Variants in EPHA5 observed in about 807,000 individuals in gnomAD.
EPHA5 encodes ephrin type-A receptor 5.
In EPHA5, 60 loss-of-function variants were observed where a neutral mutation model predicts 105.0. The observed-to-expected ratio is 0.57, with a 90% CI of 0.46 to 0.71. The LOEUF (loss-of-function observed/expected upper bound fraction) is 0.71, where lower values mean the gene tolerates loss of function less well. EPHA5 is among the 30% of genes least tolerant of loss of function. The pLI is 0.00. For synonymous variants in EPHA5, 513 were observed against 449.1 expected, an observed-to-expected ratio of 1.14 and a Z score of -1.80; for missense variants, 1,218 against 1,274.7, an observed-to-expected ratio of 0.96 and a Z score of 0.68.
chr4:65,439,814 G>A (rs895910055), intron 5 of EPHA5, among the ~76,000 whole-genome samples: 17 of 152,024 alleles, frequency 1.1e-4, no homozygotes, highest in African/African-American at 3.1e-4. Flanking sequence ...TTACCGAAAG[G>A]AAAGCCGAAT....
At chr4:65,403,318 C>G (rs1722032266) in intron 8 of EPHA5, among the ~76,000 whole-genome samples, 1 of 152,012 alleles carries the variant, frequency 6.6e-6, no homozygotes, top group African/African-American at 2.4e-5. Flanking sequence ...GAAGAGTCAA[C>G]AGTAAATGAG....
chr4:65,582,266 A>G (rs1741698758), intron 3 of EPHA5, among the ~76,000 whole-genome samples: 1 of 151,652 alleles, frequency 6.6e-6, no homozygotes, highest in Admixed American at 6.6e-5. Flanking sequence ...CCACAATTCT[A>G]TTCTTAGACT....
chr4:65,638,480 G>A (rs1747351425), intron 2 of EPHA5, among the ~76,000 whole-genome samples: 1 of 152,180 alleles, frequency 6.6e-6, no homozygotes, highest in Admixed American at 6.5e-5. Flanking sequence ...GCTCATGCCT[G>A]TAATCCTAGC....
chr4:65,372,459 G>A (rs889756612), intron 8 of EPHA5, among the ~76,000 whole-genome samples: 1 of 151,828 alleles, frequency 6.6e-6, no homozygotes, highest in Non-Finnish European at 1.5e-5. Flanking sequence ...TAGCAAAACT[G>A]TGTGAGTCAT....
chr4:65,487,116 C>A (rs953062017), intron 5 of EPHA5, among the ~76,000 whole-genome samples: 1 of 152,126 alleles, frequency 6.6e-6, no homozygotes, highest in Non-Finnish European at 1.5e-5. Flanking sequence ...TCTTGTACTG[C>A]CTGCAGAACC....
At position 65,348,138 on chromosome 4, in the gene EPHA5, G is replaced by A. The variant is rs201353014; in HGVS notation, c.2511C>T (p.Ala837=). The change falls in exon 14 of 17, where the codon GCC becomes GCT. Residue 837 remains alanine, a synonymous_variant. Coordinates refer to ENST00000613740, the MANE Select transcript of EPHA5 (RefSeq NM_001281766.3). ...EAIAFRKFTS[A]SDVWSYGIVM... Reference sequence around the variant, plus strand: ...CTATTCCATAACTCCAGACATCACTGGCAGAAGTAAACTTTCGGAAAGCTA... The same window carrying A: ...CTATTCCATAACTCCAGACATCACTAGCAGAAGTAAACTTTCGGAAAGCTA... 1.9e-6 allele frequency: 3 copies of A among 1,613,632 alleles called. No homozygotes were observed. Among genetic ancestry groups the A allele is most frequent in the South Asian group, 2.2e-5 (2 of 91,050 alleles).
intron 3 of EPHA5, among the ~76,000 whole-genome samples, chr4:65,507,930 A>C (rs1009391001): frequency 1.3e-5 from 2 of 150,610 alleles, no homozygotes; most frequent in African/African-American, 4.9e-5. Context: ...CAAATTCCCC[A>C]CTCATAGTTT....
rs1224512272 is a variant in EPHA5 at position 65,602,229 on chromosome 4, T to C, written c.322A>G (p.Asn108Asp). The C allele has an allele frequency of 6.2e-7, 1 of 1,613,132 alleles. No individual in the cohort carries two copies. Among genetic ancestry groups the C allele is most frequent in the East Asian group, 2.2e-5 (1 of 44,892 alleles). Residue 108 changes from asparagine to aspartate, a missense_variant, in exon 3 of 17, where the codon AAT becomes GAT. Coordinates refer to ENST00000613740, the MANE Select transcript of EPHA5 (RefSeq NM_001281766.3). ...CTGGTCAAAAGCCAGTTATTCTGAT[T>C]CTGTTCCATCACTTTGCATACTTGG... is the stretch of plus-strand genomic sequence containing the variant. The part of the protein sequence containing the change: ...TYQVCKVMEQ[N>D]QNNWLLTSWI...
chr4:65,642,226 G>A (rs966446032), intron 2 of EPHA5, among the ~76,000 whole-genome samples: 1 of 151,942 alleles, frequency 6.6e-6, no homozygotes, highest in Non-Finnish European at 1.5e-5. Flanking sequence ...CATGAAAAAA[G>A]GGAGAATACA....
chr4:65,632,291 T>G (rs1746711659), intron 2 of EPHA5, among the ~76,000 whole-genome samples: 1 of 152,032 alleles, frequency 6.6e-6, no homozygotes, highest in Admixed American at 6.6e-5. Context: ...GCCCCATTGT[T>G]GTGTTTATGT....
At chr4:65,664,819 C>A (rs1183857550) in intron 1 of EPHA5, among the ~76,000 whole-genome samples, 1 of 151,710 alleles carries the variant, frequency 6.6e-6, no homozygotes, top group East Asian at 1.9e-4. Context: ...TTCACTCTTT[C>A]TGAAAAGAAA....
chr4:65,563,731 C>A (rs890542923), intron 3 of EPHA5, among the ~76,000 whole-genome samples: 1 of 151,918 alleles, frequency 6.6e-6, no homozygotes, highest in African/African-American at 2.4e-5. Flanking sequence ...GAAATTAGCA[C>A]ATGAAAACAT....
At chr4:65,402,474 C>A (rs1157420404) in intron 8 of EPHA5, among the ~76,000 whole-genome samples, 11 of 152,032 alleles carry the variant, frequency 7.2e-5, no homozygotes, top group Non-Finnish European at 2.9e-5. Context: ...TAAAATGTCA[C>A]CAGTAAATTC....
chr4:65,539,491 G>A (rs545058669), intron 3 of EPHA5, among the ~76,000 whole-genome samples: 14 of 151,530 alleles, frequency 9.2e-5, no homozygotes, highest in East Asian at 1.9e-4. Context: ...CCAAAATTCC[G>A]TTTGATTCTA....
At chr4:65,586,937 C>T (rs1458299549) in intron 3 of EPHA5, among the ~76,000 whole-genome samples, 1 of 152,114 alleles carries the variant, frequency 6.6e-6, no homozygotes, top group Non-Finnish European at 1.5e-5. Flanking sequence ...TCTTCATTAT[C>T]AGCATGATGA....
intron 3 of EPHA5, among the ~76,000 whole-genome samples, chr4:65,591,947 A>G (rs1485278216): frequency 1.3e-5 from 2 of 152,128 alleles, no homozygotes; most frequent in East Asian, 3.9e-4. Flanking sequence ...CTTACCTAAT[A>G]AAAAACTGAA....
At chr4:65,525,738 C>T (rs976211500) in intron 3 of EPHA5, among the ~76,000 whole-genome samples, 12 of 151,826 alleles carry the variant, frequency 7.9e-5, no homozygotes, top group African/African-American at 2.9e-4. Context: ...ATGAATAAAC[C>T]ATGAATGTAC....
At chr4:65,459,538 G>A (rs28540895) in intron 5 of EPHA5, among the ~76,000 whole-genome samples, 19,317 of 151,606 alleles carry the variant, frequency 0.13, 1,777 homozygotes, top group East Asian at 0.41. Context: ...CTGTGTCAGT[G>A]GTCTGAACTG....
intron 5 of EPHA5, among the ~76,000 whole-genome samples, chr4:65,432,502 T>A (rs556150198): frequency 6.6e-6 from 1 of 152,192 alleles, no homozygotes; most frequent in Non-Finnish European, 1.5e-5. Context: ...TCTAACTAGC[T>A]TTAGACTTCT....
Sources: allele counts gnomAD v4.1 joint callset (sites outside exome capture counted in the v4.1 genomes callset), GRCh38; gene constraint gnomAD v4.1.1; transcripts MANE v1.5; gene names NCBI Gene and HGNC (gene_info 2026-07-23, HGNC 2026-07-21).